RBMS1: variants seen among roughly 807,000 people sequenced by gnomAD.
RBMS1 encodes the protein RNA-binding motif, single-stranded-interacting protein 1.
Under a neutral mutation model 62.3 loss-of-function variants are expected in RBMS1, and 17 were observed. The ratio of observed to expected loss-of-function variants is 0.27; its 90% CI spans 0.19 to 0.41. The LOEUF is 0.41. RBMS1 is among the 10% of genes least tolerant of loss of function. The pLI is 1.00. For missense variants in RBMS1, 334 were observed against 504.5 expected (o/e 0.66, Z 3.24); for synonymous variants, 172 against 170.0 (o/e 1.01, Z -0.09).
At chr2:160,405,163 T>C (rs1695634012) in intron 1 of RBMS1, among the ~76,000 whole-genome samples, 1 of 152,206 alleles carries the variant, frequency 6.6e-6, no homozygotes, top group South Asian at 2.1e-4. Flanking sequence ...CAATGAAAGT[T>C]AGCTACTACT....
At chr2:160,316,905 AT>A (rs1297299074) in intron 3 of RBMS1, among the ~76,000 whole-genome samples, 3 of 151,916 alleles carry the variant, frequency 2.0e-5, no homozygotes, top group Admixed American at 6.6e-5. Flanking sequence ...AAACCAAAAG[AT>A]TTTTTTTCTG....
At position 160,311,232 on chromosome 2, in the gene RBMS1, C is replaced by CTATCTATA. The variant is rs1381483574; in HGVS notation, c.402+1923_402+1924insTATAGATA. ...AAAATCTATCTATCTATCTATCTAT[C>CTATCTATA]TATATATATATATATATATATATAT... On this transcript the variant is annotated intron_variant, in intron 4 of 13. Coordinates refer to ENST00000348849, the MANE Select transcript of RBMS1 (RefSeq NM_016836.4). 3.9e-3 allele frequency among the ~76,000 whole-genome samples: 306 copies of CTATCTATA among 79,222 alleles called. 4 individuals are homozygous for CTATCTATA. The highest frequency in any genetic ancestry group is 6.8e-3 in the South Asian group (15 of 2,198). The allele number at this position is 79,222 out of a possible 152,430, so 52.0% of individuals were successfully genotyped here. A position where few individuals can be genotyped will look rare whatever the true frequency, so the allele number is the denominator to read the frequency against.
intron 2 of RBMS1, among the ~76,000 whole-genome samples, chr2:160,344,132 G>A (rs943819200): frequency 2.0e-5 from 3 of 152,058 alleles, no homozygotes; most frequent in Non-Finnish European, 2.9e-5. Context: ...CTTTTAACCT[G>A]AAAGTTATAT....
At chr2:160,462,550 T>G (rs879357478) in intron 1 of RBMS1, among the ~76,000 whole-genome samples, 31 of 152,168 alleles carry the variant, frequency 2.0e-4, no homozygotes, top group Admixed American at 2.0e-3. Context: ...AGAAGAATAT[T>G]TGGCAAGAGG....
intron 1 of RBMS1, among the ~76,000 whole-genome samples, chr2:160,471,480 G>A (rs886717360): frequency 2.0e-5 from 3 of 151,330 alleles, no homozygotes; most frequent in African/African-American, 7.3e-5. Flanking sequence ...TCAACTTATG[G>A]AAAAATTAGG....
intron 1 of RBMS1, among the ~76,000 whole-genome samples, chr2:160,482,472 A>G (rs1325846843): frequency 6.6e-6 from 1 of 152,232 alleles, no homozygotes; most frequent in African/African-American, 2.4e-5. Flanking sequence ...CTATGTTTTA[A>G]TTACATATCA....
chr2:160,484,730 G>A (rs12467608), intron 1 of RBMS1, among the ~76,000 whole-genome samples: 42,389 of 146,284 alleles, frequency 0.29, 6,544 homozygotes, highest in East Asian at 0.61. Context: ...AATTAGCCGG[G>A]CATGGTGGCG....
At chr2:160,387,947 G>A (rs1030368753) in intron 1 of RBMS1, among the ~76,000 whole-genome samples, 15 of 152,180 alleles carry the variant, frequency 9.9e-5, no homozygotes, top group Admixed American at 5.2e-4. Context: ...TCCACAGGCT[G>A]ACCTCTGAAA....
Position 160,382,959 on chromosome 2 carries a change from A to G in RBMS1, c.76-15568T>C, listed in dbSNP as rs539039562. On this transcript the variant is annotated intron_variant, in intron 1 of 13. Coordinates refer to ENST00000348849, the MANE Select transcript of RBMS1 (RefSeq NM_016836.4). ...TAAATGTGATTGGCTCCTGTCAGGAAACGTAAAATGTACGATTTATACAGT... is the reference window on the plus strand; with the variant it reads ...TAAATGTGATTGGCTCCTGTCAGGAGACGTAAAATGTACGATTTATACAGT... Among the ~76,000 whole-genome samples the G allele has an allele frequency of 1.2e-4, 19 of 152,338 alleles. No homozygotes were observed. The East Asian group carries it at 3.1e-3, about 25-fold the overall frequency.
At chr2:160,385,018 T>C (rs1285218326) in intron 1 of RBMS1, among the ~76,000 whole-genome samples, 4 of 152,192 alleles carry the variant, frequency 2.6e-5, no homozygotes, top group Admixed American at 6.5e-5. Context: ...TCTTGCCATG[T>C]GACACATCTG....
chr2:160,469,748 CAT>C (rs1465925576), intron 1 of RBMS1, among the ~76,000 whole-genome samples: 1 of 152,130 alleles, frequency 6.6e-6, no homozygotes. Flanking sequence ...CATGAGATAA[CAT>C]AGAATTACAG....
chr2:160,475,276 C>T (rs11695908), intron 1 of RBMS1, among the ~76,000 whole-genome samples: 36,829 of 152,194 alleles, frequency 0.24, 5,046 homozygotes, highest in Admixed American at 0.4. Context: ...ACCTTTTCCC[C>T]TCTATCCTGT....
At chr2:160,448,983 G>A (rs1272293180) in intron 1 of RBMS1, among the ~76,000 whole-genome samples, 3 of 151,632 alleles carry the variant, frequency 2.0e-5, no homozygotes, top group East Asian at 3.9e-4. Context: ...CTGCCCGACC[G>A]CCACCCTGTC....
rs76641428 is a variant in RBMS1, at chr2:160,416,814, T to G, written c.76-49423A>C. Among the ~76,000 whole-genome samples, 892 of 152,342 alleles carry G rather than the reference T, an allele frequency of 5.9e-3. 12 individuals are homozygous for G. The highest frequency in any genetic ancestry group is 0.02 in the African/African-American group (847 of 41,566). On this transcript the variant is annotated intron_variant, in intron 1 of 13. Coordinates refer to ENST00000348849, the MANE Select transcript of RBMS1 (RefSeq NM_016836.4). The stretch of plus-strand genomic sequence containing the variant: ...TCTCCTTGGACACCTAGACCAATAA[T>G]AAATTCATTCCATCTATTCATATTT...
At chr2:160,390,688 C>CAAAAAAAAA (rs34478081) in intron 1 of RBMS1, among the ~76,000 whole-genome samples, 1 of 60,628 alleles carries the variant, frequency 1.6e-5, no homozygotes, top group Non-Finnish European at 3.3e-5. Flanking sequence ...GACCCAGTCT[C>CAAAAAAAAA]AAAAAAAAAA....
intron 1 of RBMS1, among the ~76,000 whole-genome samples, chr2:160,409,374 T>C (rs1695928456): frequency 6.6e-6 from 1 of 151,432 alleles, no homozygotes; most frequent in African/African-American, 2.4e-5. Flanking sequence ...TACGTAAAAA[T>C]CTGTCCTTTA....
intron 1 of RBMS1, among the ~76,000 whole-genome samples, chr2:160,466,450 T>C (rs902370101): frequency 6.6e-6 from 1 of 152,074 alleles, no homozygotes; most frequent in Non-Finnish European, 1.5e-5. Flanking sequence ...ACCAAGCAGA[T>C]GTCAGGCTAA....
At chr2:160,307,196 G>A (rs1452023684) in intron 4 of RBMS1, among the ~76,000 whole-genome samples, 1 of 151,962 alleles carries the variant, frequency 6.6e-6, no homozygotes, top group Non-Finnish European at 1.5e-5. Flanking sequence ...GCAAGAACGG[G>A]GACTTGGCAG....
chr2:160,391,070 T>C (rs1190745463), intron 1 of RBMS1, among the ~76,000 whole-genome samples: 2 of 151,596 alleles, frequency 1.3e-5, no homozygotes, highest in South Asian at 4.2e-4. Context: ...TGGTACCACA[T>C]TGTTATGGGG....
Sources: gnomAD v4.1 joint callset for allele counts (sites outside exome capture counted in the v4.1 genomes callset) on GRCh38, gnomAD v4.1.1 for gene constraint, MANE v1.5 for transcripts, NCBI Gene and HGNC (gene_info 2026-07-23, HGNC 2026-07-21) for gene names.